ADAMTSL1: variants seen among roughly 807,000 people sequenced by gnomAD.
ADAMTSL1 encodes ADAMTS-like protein 1.
Under a neutral mutation model 201.8 loss-of-function variants are expected in ADAMTSL1, and 126 were observed. The ratio of observed to expected loss-of-function variants is 0.62; its 90% CI spans 0.54 to 0.72. The LOEUF (loss-of-function observed/expected upper bound fraction) is 0.72, where lower values mean the gene tolerates loss of function less well. ADAMTSL1 is among the 30% of genes least tolerant of loss of function. The pLI is 0.00. For missense variants in ADAMTSL1, 2,679 were observed against 2,277.8 expected (o/e 1.18, Z -3.59); for synonymous variants, 1,121 against 903.4 (o/e 1.24, Z -4.32).
intron 18 of ADAMTSL1, among the ~76,000 whole-genome samples, chr9:18,776,416 G>A (rs1481989557): frequency 6.6e-6 from 1 of 152,078 alleles, no homozygotes; most frequent in African/African-American, 2.4e-5. Context: ...ATTTTAATGA[G>A]AGGAAATGCT....
At chr9:18,031,300 G>A (rs1820944455) in intron 1 of ADAMTSL1, among the ~76,000 whole-genome samples, 1 of 152,100 alleles carries the variant, frequency 6.6e-6, no homozygotes, top group Non-Finnish European at 1.5e-5. Flanking sequence ...TGAAATTGCT[G>A]CTGTTTTCAT....
chr9:18,662,668 C>T (rs1474102655), intron 9 of ADAMTSL1, among the ~76,000 whole-genome samples: 2 of 152,194 alleles, frequency 1.3e-5, no homozygotes, highest in African/African-American at 4.8e-5. Context: ...TAAACAGGCA[C>T]TTGACACTTT....
intron 2 of ADAMTSL1, among the ~76,000 whole-genome samples, chr9:18,278,429 G>T (rs1030371123): frequency 6.6e-6 from 1 of 152,100 alleles, no homozygotes; most frequent in Admixed American, 6.6e-5. Context: ...GTACAGTATT[G>T]TTGGTTGGCA....
chr9:18,757,808 T>A (rs1819859140), intron 16 of ADAMTSL1, among the ~76,000 whole-genome samples: 1 of 152,162 alleles, frequency 6.6e-6, no homozygotes, highest in African/African-American at 2.4e-5. Flanking sequence ...TCAGACCCCA[T>A]AACTCCCAGG....
At chr9:18,626,009 C>T (rs1045528202) in intron 5 of ADAMTSL1, among the ~76,000 whole-genome samples, 2 of 152,194 alleles carry the variant, frequency 1.3e-5, no homozygotes, top group African/African-American at 2.4e-5. Context: ...TATAATAAAA[C>T]ACAGGCCTCT....
At chr9:18,674,682 A>G (rs926391395) in intron 9 of ADAMTSL1, among the ~76,000 whole-genome samples, 17 of 152,108 alleles carry the variant, frequency 1.1e-4, no homozygotes, top group Non-Finnish European at 2.1e-4. Flanking sequence ...GAATATATCA[A>G]TATTATATAG....
At chr9:18,253,189 C>T (rs1831534847) in intron 2 of ADAMTSL1, among the ~76,000 whole-genome samples, 1 of 152,060 alleles carries the variant, frequency 6.6e-6, no homozygotes, top group Admixed American at 6.6e-5. Flanking sequence ...AAAGCTGAAA[C>T]CTTACCTATG....
At chr9:18,361,636 C>T (rs1257376753) in intron 2 of ADAMTSL1, among the ~76,000 whole-genome samples, 1 of 152,178 alleles carries the variant, frequency 6.6e-6, no homozygotes, top group East Asian at 1.9e-4. Context: ...CTTTTAATCC[C>T]CTAGAGTACT....
chr9:18,176,778 C>T (rs547986239), intron 2 of ADAMTSL1, among the ~76,000 whole-genome samples: 2 of 152,206 alleles, frequency 1.3e-5, no homozygotes, highest in Admixed American at 1.3e-4. Flanking sequence ...CATTTTAATT[C>T]TAACTGTTGG....
intron 23 of ADAMTSL1, among the ~76,000 whole-genome samples, chr9:18,832,345 G>A (rs1825040344): frequency 6.6e-6 from 1 of 152,172 alleles, no homozygotes; most frequent in Non-Finnish European, 1.5e-5. Flanking sequence ...CAGGGAGGCT[G>A]GAGAGGAGGT....
intron 2 of ADAMTSL1, among the ~76,000 whole-genome samples, chr9:18,178,705 G>T (rs1430825136): frequency 3.3e-5 from 5 of 151,842 alleles, no homozygotes; most frequent in Admixed American, 1.3e-4. Context: ...GCCTCCTCAA[G>T]TGGGTCCCTG....
intron 4 of ADAMTSL1, among the ~76,000 whole-genome samples, chr9:18,619,048 T>C (rs1825869709): frequency 1.3e-5 from 2 of 152,112 alleles, no homozygotes; most frequent in Non-Finnish European, 2.9e-5. Flanking sequence ...AGACGCCTGA[T>C]TTGGGATTTG....
intron 19 of ADAMTSL1, among the ~76,000 whole-genome samples, chr9:18,784,010 C>T (rs1237147055): frequency 1.3e-5 from 2 of 152,332 alleles, no homozygotes; most frequent in Middle Eastern, 3.4e-3. Context: ...TGGCTTTTAT[C>T]ATTTGACATC....
intron 2 of ADAMTSL1, among the ~76,000 whole-genome samples, chr9:18,317,953 G>C (rs1020569142): frequency 1.3e-5 from 2 of 152,176 alleles, no homozygotes; most frequent in African/African-American, 4.8e-5. Context: ...GCTTAGTGCA[G>C]GACAATATAG....
At chr9:18,009,053 C>A (rs188209182) in intron 1 of ADAMTSL1, among the ~76,000 whole-genome samples, 13 of 152,064 alleles carry the variant, frequency 8.5e-5, no homozygotes, top group East Asian at 2.0e-4. Flanking sequence ...TGCAGATCTG[C>A]ACTCTAGCTC....
intron 14 of ADAMTSL1, among the ~76,000 whole-genome samples, chr9:18,714,730 C>T (rs1322708520): frequency 6.6e-6 from 1 of 152,010 alleles, no homozygotes; most frequent in Non-Finnish European, 1.5e-5. Flanking sequence ...AAGAGGGAAT[C>T]CTCCCTAACT....
chr9:17,935,949 G>C (rs1381122298), intron 1 of ADAMTSL1, among the ~76,000 whole-genome samples: 1 of 152,108 alleles, frequency 6.6e-6, no homozygotes, highest in Non-Finnish European at 1.5e-5. Context: ...GATTTATCTA[G>C]CCATCTCTCC....
chr9:18,477,342 T>G (rs1311536995), intron 1 of ADAMTSL1, among the ~76,000 whole-genome samples: 1 of 152,212 alleles, frequency 6.6e-6, no homozygotes, highest in East Asian at 1.9e-4. Context: ...CACTAGGAAT[T>G]ATAATAAAGT....
intron 2 of ADAMTSL1, among the ~76,000 whole-genome samples, chr9:18,254,384 A>G (rs1190074679): frequency 5.4e-5 from 3 of 55,268 alleles, no homozygotes; most frequent in African/African-American, 1.8e-4. Context: ...TTTTTTTGAG[A>G]TGGAATCTCG....
Sources: gnomAD v4.1 joint callset for allele counts (sites outside exome capture counted in the v4.1 genomes callset) on GRCh38, gnomAD v4.1.1 for gene constraint, MANE v1.5 for transcripts, NCBI Gene and HGNC (gene_info 2026-07-23, HGNC 2026-07-21) for gene names.